The following ESR1 variants were observed in gnomAD, a reference collection of about 807,000 sequenced individuals.
The protein encoded by ESR1 is estrogen receptor.
A neutral mutation model predicts 52.7 loss-of-function variants in ESR1; 12 were observed. The ratio of observed to expected loss-of-function variants is 0.23; its 90% CI spans 0.15 to 0.37. The LOEUF (loss-of-function observed/expected upper bound fraction) is 0.37. Among genes scored for constraint, ESR1 ranks in the 10% least tolerant of loss-of-function variants. The pLI, the probability that ESR1 is intolerant of heterozygous loss-of-function variation, is 1.00. For synonymous variants in ESR1, 305 were observed against 316.8 expected, an observed-to-expected ratio of 0.96 and a Z score of 0.39; for missense variants, 584 against 779.7, an observed-to-expected ratio of 0.75 and a Z score of 2.99.
At chr6:152,016,983 A>G (rs917682090) in intron 5 of ESR1, among the ~76,000 whole-genome samples, 1 of 152,156 alleles carries the variant, frequency 6.6e-6, no homozygotes, top group Non-Finnish European at 1.5e-5. Context: ...AATTGATTGT[A>G]ATGATGTCTT....
intron 2 of ESR1, among the ~76,000 whole-genome samples, chr6:151,738,452 A>T (rs1562368333): frequency 6.6e-6 from 1 of 152,154 alleles, no homozygotes; most frequent in East Asian, 1.9e-4. Flanking sequence ...TCTTTCTCAT[A>T]ACAGCTGCAC....
chr6:151,807,785 C>T lies in ESR1; in HGVS notation c.-128C>T, dbSNP rs1229344838. ...GGGGCAGGGCCGGGGCCAGAGCTCG[C>T]GTGTCGGCGGGACATGCGCTGCGTC... On this transcript the variant is annotated 5_prime_UTR_variant, in exon 1 of 8. Transcript: ENST00000206249. 2.2e-6 allele frequency: 2 copies of T among 912,114 alleles called. No homozygotes were observed. Among genetic ancestry groups the T allele is most frequent in the African/African-American group, 1.6e-5 (1 of 61,144 alleles). 56.5% of individuals were successfully genotyped at this position (912,114 alleles called of 1,614,324 possible). A position where few individuals can be genotyped will look rare whatever the true frequency, so the allele number is the denominator to read the frequency against.
At chr6:151,694,368 G>T (rs1245566977) in intron 1 of ESR1, among the ~76,000 whole-genome samples, 1 of 152,202 alleles carries the variant, frequency 6.6e-6, no homozygotes, top group East Asian at 1.9e-4. Context: ...CCCTCTCTTA[G>T]CCTCAGCAAC....
intron 3 of ESR1, among the ~76,000 whole-genome samples, chr6:151,895,134 T>G (rs11753148): frequency 0.059 from 552 of 9,428 alleles, 3 homozygotes; most frequent in Non-Finnish European, 0.09. Flanking sequence ...TTTTTTTTGG[T>G]TTTTTTTTTT....
rs1777646180 is a variant in ESR1 at position 151,661,778 on chromosome 6, A to C, written n.73+5015A>C. Among the ~76,000 whole-genome samples the C allele has an allele frequency of 2.0e-5, 3 of 152,202 alleles. No homozygotes were observed. The South Asian group carries it at 6.2e-4, about 31-fold the overall frequency. On this transcript the variant is annotated intron_variant and non_coding_transcript_variant, in intron 1 of 2. Transcript: ENST00000473497. ...TTCTCATGACAGAGAGTAAGTTCTC[A>C]GGAGAGCTGATGGTTTAAAAGTCTT...
At chr6:151,678,470 AT>A (rs1424176274) in intron 1 of ESR1, among the ~76,000 whole-genome samples, 1 of 149,700 alleles carries the variant, frequency 6.7e-6, no homozygotes, top group Non-Finnish European at 1.5e-5. Flanking sequence ...GAGACTCCAT[AT>A]TAAAAAAAAA....
At chr6:151,927,994 G>A (rs945445634) in intron 3 of ESR1, among the ~76,000 whole-genome samples, 4 of 152,078 alleles carry the variant, frequency 2.6e-5, no homozygotes, top group Non-Finnish European at 4.4e-5. Flanking sequence ...AAAGTGCTAG[G>A]ATTACAGGCG....
At chr6:152,040,095 CA>C (rs1201442002) in intron 5 of ESR1, among the ~76,000 whole-genome samples, 1 of 152,174 alleles carries the variant, frequency 6.6e-6, no homozygotes, top group African/African-American at 2.4e-5. Flanking sequence ...TCAGTATAAT[CA>C]ACCTGCCACC....
At chr6:151,846,604 T>C (rs576834113) in intron 2 of ESR1, among the ~76,000 whole-genome samples, 1 of 152,326 alleles carries the variant, frequency 6.6e-6, no homozygotes, top group Admixed American at 6.5e-5. Context: ...ATTATTCTCA[T>C]GTTCTAAGTG....
intron 6 of ESR1, chr6:152,122,461 T>G (rs2051619497): frequency 6.2e-7 from 1 of 1,614,032 alleles, no homozygotes; most frequent in African/African-American, 1.3e-5. Context: ...GCCATTCGTG[T>G]ATCTGAGCAT....
At position 151,807,689 on chromosome 6, in the gene ESR1, G is replaced by C. The variant is rs747562041; in HGVS notation, c.-224G>C. ...GAGGCCCGGGAGCCCAGGAGCTGGC[G>C]GAGGGCGTTCGTCCTGGGACTGCAC... On this transcript the variant is annotated 5_prime_UTR_variant, in exon 1 of 8. Transcript: ENST00000206249. 2.5e-4 allele frequency: 150 copies of C among 609,948 alleles called. No individual in the cohort carries two copies. Among genetic ancestry groups the C allele is most frequent in the Non-Finnish European group, 3.8e-4 (129 of 342,234 alleles). The allele number at this position is 609,948 out of a possible 1,614,324, so 37.8% of individuals were successfully genotyped here.
chr6:151,719,181 C>T (rs986929745), intron 2 of ESR1, among the ~76,000 whole-genome samples: 17 of 152,162 alleles, frequency 1.1e-4, no homozygotes, highest in African/African-American at 3.1e-4. Context: ...GTTTACATCT[C>T]GTGGTGTAGA....
chr6:152,075,698 T>C (rs2048684840), intron 6 of ESR1, among the ~76,000 whole-genome samples: 1 of 152,246 alleles, frequency 6.6e-6, no homozygotes, highest in Non-Finnish European at 1.5e-5. Context: ...ACCAAGATGA[T>C]ATGACTCTCA....
intron 4 of ESR1, among the ~76,000 whole-genome samples, chr6:151,987,953 T>G (rs1196749837): frequency 6.6e-6 from 1 of 152,082 alleles, no homozygotes; most frequent in Non-Finnish European, 1.5e-5. Flanking sequence ...GCCTGTTGTT[T>G]GGGTTTAATT....
intron 4 of ESR1, among the ~76,000 whole-genome samples, chr6:151,948,412 A>G (rs1458269049): frequency 1.3e-5 from 2 of 152,176 alleles, no homozygotes; most frequent in African/African-American, 2.4e-5. Context: ...TTAAATACTT[A>G]TAACCCAAAG....
chr6:152,087,914 C>T (rs2049871458), intron 6 of ESR1, among the ~76,000 whole-genome samples: 2 of 152,156 alleles, frequency 1.3e-5, no homozygotes, highest in Non-Finnish European at 2.9e-5. Context: ...AACCTGACAG[C>T]TGCATCTTGT....
rs199519777 is a variant in ESR1 at position 151,896,733 on chromosome 6, CGTTT to C, written c.760+15967_760+15970del. Among the ~76,000 whole-genome samples, 1,503 of 151,366 alleles carry C rather than the reference CGTTT, an allele frequency of 9.9e-3. 12 individuals carry two copies. The highest frequency in any genetic ancestry group is 0.02 in the Admixed American group (301 of 15,194). ...TCTTTCTTCTGCTGGCTTTGGGTTTCGTTTGTTTTTATTTCTGTAGTTCCTTGAT... is the reference window on the plus strand; with the variant it reads ...TCTTTCTTCTGCTGGCTTTGGGTTTCGTTTTTATTTCTGTAGTTCCTTGAT... On this transcript the variant is annotated intron_variant, in intron 3 of 7. Transcript: ENST00000206249.
chr6:152,046,868 A>T (rs2046271563), intron 5 of ESR1, among the ~76,000 whole-genome samples: 1 of 152,154 alleles, frequency 6.6e-6, no homozygotes, highest in Admixed American at 6.6e-5. Context: ...GGTTTAGGCC[A>T]CTTTTAATTC....
Position 152,099,181 on chromosome 6 carries a change from T to A in ESR1, c.*215T>A, listed in dbSNP as rs2050870136. On this transcript the variant is annotated 3_prime_UTR_variant, in exon 8 of 8. Transcript: ENST00000206249. Reference sequence around the variant, plus strand: ...CAGCCAAAGGGATTCCAAGGCTAAATCTTTGTAACAGCTCTCTTTCCCCCT... The same window carrying A: ...CAGCCAAAGGGATTCCAAGGCTAAAACTTTGTAACAGCTCTCTTTCCCCCT... 1.7e-6 allele frequency: 1 copy of A among 596,520 alleles called. No individual in the cohort carries two copies. The highest frequency in any genetic ancestry group is 1.9e-5 in the South Asian group (1 of 52,460). 37.0% of individuals were successfully genotyped at this position (596,520 alleles called of 1,614,324 possible).
Sources: gnomAD v4.1 joint callset for allele counts (sites outside exome capture counted in the v4.1 genomes callset) on GRCh38, gnomAD v4.1.1 for gene constraint, MANE v1.5 for transcripts, NCBI Gene and HGNC (gene_info 2026-07-23, HGNC 2026-07-21) for gene names.